Variants in MKLN1 observed in about 807,000 individuals in gnomAD.
MKLN1 encodes the protein muskelin 1, also known as muskelin.
MKLN1 carries 18 observed loss-of-function variants against 99.0 expected under a neutral mutation model. The ratio of observed to expected loss-of-function variants is 0.18; its 90% CI spans 0.13 to 0.27. MKLN1 has a LOEUF of 0.27. Ranked by LOEUF, MKLN1 falls within the 10% of genes least tolerant of loss-of-function variation. The pLI, the probability that MKLN1 is intolerant of heterozygous loss-of-function variation, is 1.00. For synonymous variants in MKLN1, 288 were observed against 293.2 expected (o/e 0.98, Z 0.18); for missense variants, 621 against 875.9 (o/e 0.71, Z 3.67).
intron 4 of MKLN1, among the ~76,000 whole-genome samples, chr7:131,393,025 T>G (rs1368383167): frequency 6.6e-6 from 1 of 152,082 alleles, no homozygotes; most frequent in Non-Finnish European, 1.5e-5. Context: ...GCCTCCCTAG[T>G]AGCACACCAC....
At chr7:131,367,843 A>G (rs1800226650) in intron 1 of MKLN1, among the ~76,000 whole-genome samples, 1 of 152,216 alleles carries the variant, frequency 6.6e-6, no homozygotes, top group Admixed American at 6.5e-5. Context: ...TGTACAAAGC[A>G]TATTGCCTAT....
At chr7:131,123,971 T>G (rs1795416243) in intron 1 of MKLN1, among the ~76,000 whole-genome samples, 1 of 152,166 alleles carries the variant, frequency 6.6e-6, no homozygotes, top group African/African-American at 2.4e-5. Context: ...ATGCAGTCTT[T>G]TAAAGCAACA....
intron 3 of MKLN1, among the ~76,000 whole-genome samples, chr7:131,245,916 C>T (rs1182899415): frequency 6.6e-6 from 1 of 152,218 alleles, no homozygotes; most frequent in East Asian, 1.9e-4. Flanking sequence ...TGAAAGGGAC[C>T]TCAGAGACCA....
intron 2 of MKLN1, among the ~76,000 whole-genome samples, chr7:131,181,919 C>T (rs1009061818): frequency 1.3e-5 from 2 of 152,282 alleles, no homozygotes; most frequent in Non-Finnish European, 2.9e-5. Flanking sequence ...CTTGGCCTCC[C>T]AAAGTGCTAA....
At chr7:131,460,042 A>C (rs1157338234) in intron 12 of MKLN1, among the ~76,000 whole-genome samples, 2 of 152,048 alleles carry the variant, frequency 1.3e-5, no homozygotes, top group Non-Finnish European at 2.9e-5. Context: ...TCATTCTGTC[A>C]TTTGAATTTT....
At chr7:131,254,464 G>C (rs1220000114) in intron 3 of MKLN1, among the ~76,000 whole-genome samples, 2 of 152,128 alleles carry the variant, frequency 1.3e-5, no homozygotes, top group Non-Finnish European at 2.9e-5. Context: ...TGAGGGCTCA[G>C]ATATCAGACT....
chr7:131,385,261 G>A (rs1414514887), intron 2 of MKLN1, among the ~76,000 whole-genome samples: 1 of 152,080 alleles, frequency 6.6e-6, no homozygotes, highest in Admixed American at 6.6e-5. Context: ...ATCAGTCGAC[G>A]GACATTTGGG....
Position 131,484,054 on chromosome 7 carries a change from A to G in MKLN1, c.2087-3553A>G, listed in dbSNP as rs896660319. Among the ~76,000 whole-genome samples, 4 of 152,214 alleles carry G rather than the reference A, an allele frequency of 2.6e-5. No individual in the cohort carries two copies. The South Asian group carries it at 8.3e-4, about 31-fold the overall frequency. On this transcript the variant is annotated intron_variant, in intron 17 of 17. Transcript: ENST00000352689. ...ACATATTCTGCAGCATAGTTTTTTT[A>G]AGTTAATGATGTGGCTTGTAGACGT...
intron 3 of MKLN1, among the ~76,000 whole-genome samples, chr7:131,271,644 C>A (rs569049639): frequency 1.3e-5 from 2 of 151,054 alleles, no homozygotes; most frequent in Non-Finnish European, 2.9e-5. Flanking sequence ...AAAATTTGGC[C>A]GGGCATGGTT....
intron 3 of MKLN1, among the ~76,000 whole-genome samples, chr7:131,305,434 C>CCCAG (rs1798441115): frequency 6.6e-6 from 1 of 152,166 alleles, no homozygotes; most frequent in Non-Finnish European, 1.5e-5. Flanking sequence ...GTGATGCAAT[C>CCCAG]CAACAGGATG....
chr7:131,322,860 G>A (rs202049679), intron 3 of MKLN1, among the ~76,000 whole-genome samples: 1 of 152,192 alleles, frequency 6.6e-6, no homozygotes, highest in East Asian at 1.9e-4. Context: ...GTGAGCCACC[G>A]CGCCCGGCCA....
At position 131,495,634 on chromosome 7, in the gene MKLN1, C is replaced by T. The variant is rs1797537430; in HGVS notation, c.*7906C>T. 1 of 152,066 alleles carries T rather than the reference C, an allele frequency of 6.6e-6. No homozygotes were observed. Among genetic ancestry groups the T allele is most frequent in the Non-Finnish European group, 1.5e-5 (1 of 68,004 alleles). 9.4% of individuals were successfully genotyped at this position (152,066 alleles called of 1,614,324 possible). ...AACACAGCCATTCCATTGTTTTTTA[C>T]CACATGGAGAAAGGACCAGGCTGGA... On this transcript the variant is annotated 3_prime_UTR_variant, in exon 18 of 18. Coordinates refer to ENST00000352689, the MANE Select transcript of MKLN1 (RefSeq NM_013255.5).
At chr7:131,338,043 G>C (rs1799301613) in intron 1 of MKLN1, among the ~76,000 whole-genome samples, 1 of 152,162 alleles carries the variant, frequency 6.6e-6, no homozygotes, top group African/African-American at 2.4e-5. Context: ...CCTGTAGTTT[G>C]CTTCCAACTT....
At chr7:131,321,458 A>G (rs925173037) in intron 3 of MKLN1, among the ~76,000 whole-genome samples, 5 of 152,150 alleles carry the variant, frequency 3.3e-5, no homozygotes, top group Non-Finnish European at 7.4e-5. Flanking sequence ...ATTAGGACAA[A>G]TACCTAATGC....
At chr7:131,214,545 C>T (rs1347095865) in intron 3 of MKLN1, among the ~76,000 whole-genome samples, 1 of 152,170 alleles carries the variant, frequency 6.6e-6, no homozygotes, top group Non-Finnish European at 1.5e-5. Flanking sequence ...ATGAAAAGGT[C>T]CCAGGTCCCC....
chr7:131,376,291 G>A (rs1298130200), intron 2 of MKLN1, among the ~76,000 whole-genome samples: 1 of 149,156 alleles, frequency 6.7e-6, no homozygotes, highest in Non-Finnish European at 1.5e-5. Context: ...AAGGAGGCGA[G>A]GCTAGGCGTT....
chr7:131,409,580 C>T (rs1794811703), intron 6 of MKLN1, among the ~76,000 whole-genome samples: 1 of 152,168 alleles, frequency 6.6e-6, no homozygotes, highest in Non-Finnish European at 1.5e-5. Flanking sequence ...TTGGTTACAA[C>T]TGAGCTTCAT....
chr7:131,309,391 C>T lies in MKLN1; in HGVS notation c.-178-66033C>T, dbSNP rs80053936. Among the ~76,000 whole-genome samples, 1,353 of 152,036 alleles carry T rather than the reference C, an allele frequency of 8.9e-3. 18 individuals carry two copies. The highest frequency in any genetic ancestry group is 0.031 in the African/African-American group (1,282 of 41,472). The stretch of plus-strand genomic sequence containing the variant: ...TGCCGTGAATATACATTCTGAGTAG[C>T]AGCAGTTACAAGTGGATTTTTTTTT... On this transcript the variant is annotated intron_variant, in intron 3 of 7. Coordinates refer to the MKLN1 transcript ENST00000416992.
chr7:131,174,215 G>A (rs1446562955), intron 2 of MKLN1, among the ~76,000 whole-genome samples: 2 of 152,088 alleles, frequency 1.3e-5, no homozygotes, highest in Non-Finnish European at 2.9e-5. Flanking sequence ...CTCGTGATCT[G>A]ACCGCCTCGG....
Sources: allele counts gnomAD v4.1 joint callset (sites outside exome capture counted in the v4.1 genomes callset), GRCh38; gene constraint gnomAD v4.1.1; transcripts MANE v1.5; gene names NCBI Gene and HGNC (gene_info 2026-07-23, HGNC 2026-07-21).